Variants in MMP17 observed in about 807,000 individuals in gnomAD.
MMP17 encodes matrix metallopeptidase 17.
Under a neutral mutation model 49.1 loss-of-function variants are expected in MMP17, and 54 were observed. The ratio of observed to expected loss-of-function variants is 1.10; its 90% CI spans 0.88 to 1.38. The LOEUF (loss-of-function observed/expected upper bound fraction) is 1.38. Ranked by LOEUF, MMP17 falls within the 40% of genes most tolerant of loss-of-function variation. The pLI is 0.00. For synonymous variants in MMP17, 397 were observed against 383.1 expected, an observed-to-expected ratio of 1.04 and a Z score of -0.42; for missense variants, 837 against 853.7, an observed-to-expected ratio of 0.98 and a Z score of 0.24.
Position 131,851,114 on chromosome 12 carries a change from A to G in MMP17, c.1652A>G (p.Gln551Arg). 1.3e-6 allele frequency: 2 copies of G among 1,593,782 alleles called. No homozygotes were observed. The highest frequency in any genetic ancestry group is 8.5e-7 in the Non-Finnish European group (1 of 1,170,842). The change falls in exon 10 of 10, where the codon CAG becomes CGG. Residue 551 changes from glutamine to arginine, a missense_variant. Physicochemically the swap from Gln to Arg is conservative, Grantham distance 43. Coordinates refer to ENST00000360564, the MANE Select transcript of MMP17 (RefSeq NM_016155.7). Reference sequence around the variant, plus strand: ...CGCGCCCCTCCAGGACAACATGACCAGAGCCGCTCGGAGGACGGTTACGAG... The same window carrying G: ...CGCGCCCCTCCAGGACAACATGACCGGAGCCGCTCGGAGGACGGTTACGAG... ...GPRAPPGQHD[Q>R]SRSEDGYEVC... is the part of the protein sequence containing the mutation.
intron 9 of MMP17, 22 bp from the exon 10 acceptor site, chr12:131,850,903 C>G: frequency 6.9e-7 from 1 of 1,453,310 alleles, no homozygotes; most frequent in Non-Finnish European, 9.1e-7. Flanking sequence ...CCCCTGAGCT[C>G]AGCTCTCCCT....
intron 5 of MMP17, among the ~76,000 whole-genome samples, chr12:131,842,148 T>C (rs755265960): frequency 1.3e-5 from 2 of 152,170 alleles, no homozygotes; most frequent in Non-Finnish European, 2.9e-5. Context: ...ATGAGAAAAC[T>C]GAGGCACCCA....
At chr12:131,840,960 C>A (rs932488403) in intron 4 of MMP17, 104 bp downstream of exon 4, 1 of 1,320,158 alleles carries the variant, frequency 7.6e-7, no homozygotes, top group Admixed American at 2.8e-5. Context: ...GCTGAAAACA[C>A]ACGCGGCTGC....
rs1887730587 is a variant in MMP17, at chr12:131,846,897, C to T, written c.1204+1448C>T. ...GAACCACTTCCTGTAACTCCATCGCCTGCCCGGCCCTCAGCATTTGACTCC... is the reference window on the plus strand; with the variant it reads ...GAACCACTTCCTGTAACTCCATCGCTTGCCCGGCCCTCAGCATTTGACTCC... On this transcript the variant is annotated intron_variant, in intron 8 of 9. Coordinates refer to ENST00000360564, the MANE Select transcript of MMP17 (RefSeq NM_016155.7). This position sits in a 1 kb window ranked among gnomAD's most constrained non-coding sequence, Gnocchi z 4.6. 6.6e-6 allele frequency among the ~76,000 whole-genome samples: 1 copy of T among 152,172 alleles called. No homozygotes were observed. Among genetic ancestry groups the T allele is most frequent in the Non-Finnish European group, 1.5e-5 (1 of 68,040 alleles).
At position 131,851,045 on chromosome 12, in the gene MMP17, C is replaced by A. The variant is rs1412833802; in HGVS notation, c.1583C>A (p.Ala528Asp). Residue 528 changes from alanine to aspartate, a missense_variant, in exon 10 of 10, where the codon GCC becomes GAC. Coordinates refer to ENST00000360564, the MANE Select transcript of MMP17 (RefSeq NM_016155.7). Reference sequence around the variant, plus strand: ...TGGCTGGTGTGTGGAGACTCACAGGCCGATGGATCTGTGGCTGCGGGCGTG... The same window carrying A: ...TGGCTGGTGTGTGGAGACTCACAGGACGATGGATCTGTGGCTGCGGGCGTG... ...RDWLVCGDSQ[A>D]DGSVAAGVDA... is the part of the protein sequence containing the mutation. 1 of 1,609,216 alleles carries A rather than the reference C, an allele frequency of 6.2e-7. No homozygotes were observed. The highest frequency in any genetic ancestry group is 1.7e-5 in the Admixed American group (1 of 59,568).
intron 4 of MMP17, 76 bp downstream of exon 4, chr12:131,840,932 C>A (rs1011914314): frequency 3.1e-5 from 45 of 1,453,746 alleles, no homozygotes; most frequent in Non-Finnish European, 4.0e-5. Context: ...CCATGGCCCC[C>A]CCATCCCCAA....
In MMP17 at chr12:131,843,942, T is replaced by TG. The variant is rs1887555416; in HGVS notation, c.884-49dup. 8 of 1,250,004 alleles carry TG rather than the reference T, an allele frequency of 6.4e-6. No individual in the cohort carries two copies. In the South Asian group the frequency reaches 1.1e-4, roughly 17 times the overall value. 77.4% of individuals were successfully genotyped at this position (1,250,004 alleles called of 1,614,324 possible). A position where few individuals can be genotyped will look rare whatever the true frequency, so the allele number is the denominator to read the frequency against. ...GGGATTCAGAAGGGCTGGTGGGATG[T>TG]GGGGGGAGGCGGGCGTCGGGGGTTT... On this transcript the variant is annotated intron_variant, in intron 5 of 9. Transcript: ENST00000360564.
chr12:131,843,168 C>T (rs968690321), intron 5 of MMP17, among the ~76,000 whole-genome samples: 7 of 151,606 alleles, frequency 4.6e-5, no homozygotes, highest in Admixed American at 1.3e-4. Context: ...CGGGGTTTCA[C>T]TGTTAGCCAG....
At chr12:131,848,858 G>A (rs565567016) in intron 8 of MMP17, among the ~76,000 whole-genome samples, 19 of 152,320 alleles carry the variant, frequency 1.2e-4, no homozygotes, top group African/African-American at 4.3e-4. Flanking sequence ...TGTGAAGGAC[G>A]CTGCTATGAG....
chr12:131,843,860 T>C, intron 5 of MMP17, 137 bp from the exon 6 acceptor site: 1 of 627,518 alleles, frequency 1.6e-6, no homozygotes, highest in South Asian at 2.0e-5. Context: ...GCAGTCTCGC[T>C]GATCGCAGCT....
At chr12:131,832,844 G>A (rs1415629875) in intron 1 of MMP17, among the ~76,000 whole-genome samples, 1 of 152,116 alleles carries the variant, frequency 6.6e-6, no homozygotes, top group Non-Finnish European at 1.5e-5. Flanking sequence ...CCGCTCCTCT[G>A]CGCTGTGTGT....
intron 1 of MMP17, 27 bp from the exon 2 acceptor site, chr12:131,838,167 AC>A (rs776107455): frequency 1.9e-6 from 3 of 1,582,798 alleles, no homozygotes; most frequent in South Asian, 2.3e-5. Flanking sequence ...CCTCTGTTGC[AC>A]CCCCTCACCC....
intron 1 of MMP17, among the ~76,000 whole-genome samples, chr12:131,832,627 GC>G (rs1302282070): frequency 1.3e-5 from 2 of 149,782 alleles, no homozygotes; most frequent in African/African-American, 2.5e-5. Flanking sequence ...TGGGATTCGG[GC>G]CCTCCTGGGC....
intron 6 of MMP17, 102 bp downstream of exon 6, chr12:131,844,183 C>T (rs541085761): frequency 5.3e-5 from 52 of 984,180 alleles, no homozygotes; most frequent in South Asian, 3.0e-4. Flanking sequence ...TCCTGGGAAA[C>T]GCACAGCTGT....
Position 131,850,931 on chromosome 12 carries a change from C to T in MMP17, c.1469C>T (p.Ser490Phe). 6.8e-7 allele frequency: 1 copy of T among 1,479,558 alleles called. No individual in the cohort carries two copies. 91.7% of individuals were successfully genotyped at this position (1,479,558 alleles called of 1,614,324 possible). ...DDAMRWSDGA[S>F]YFFRGQEYWK... Reference sequence around the variant, plus strand: ...CTCTCCCTCCTCTTCTCAGGTGCCTCCTACTTCTTCCGTGGCCAGGAGTAC... The same window carrying T: ...CTCTCCCTCCTCTTCTCAGGTGCCTTCTACTTCTTCCGTGGCCAGGAGTAC... Residue 490 changes from serine to phenylalanine, a missense_variant, in exon 10 of 10, where the codon TCC becomes TTC. Transcript: ENST00000360564.
intron 6 of MMP17, chr12:131,844,796 G>A (rs769333176): frequency 7.8e-5 from 29 of 371,096 alleles, no homozygotes; most frequent in Admixed American, 1.6e-4. Context: ...TTGGGGTCCC[G>A]TGGCGTGGGG....
Position 131,844,068 on chromosome 12 carries a change from C to T in MMP17, c.955C>T (p.Arg319Trp), listed in dbSNP as rs527338913. The change falls in exon 6 of 10, where the codon CGG becomes TGG. Residue 319 changes from arginine to tryptophan, a missense_variant. Transcript: ENST00000360564. Reference protein sequence around the residue: ...PPLLPEPPDNRSSAPPRKDVP... With the variant: ...PPLLPEPPDNWSSAPPRKDVP... ...CCTGCTGCCGGAGCCCCCAGACAAC[C>T]GGTCCAGCGCCCCGTAAGCCCTGGG... 3.4e-5 allele frequency: 53 copies of T among 1,561,686 alleles called. No homozygotes were observed. Among genetic ancestry groups the T allele is most frequent in the Middle Eastern group, 1.7e-4 (1 of 5,754 alleles).
At chr12:131,843,857 C>T (rs1027410808) in intron 5 of MMP17, 140 bp from the exon 6 acceptor site, 19 of 620,940 alleles carry the variant, frequency 3.1e-5, no homozygotes, top group Non-Finnish European at 5.0e-5. Flanking sequence ...GCAGCAGTCT[C>T]GCTGATCGCA....
intron 6 of MMP17, chr12:131,844,844 G>A: frequency 2.2e-6 from 1 of 458,702 alleles, no homozygotes; most frequent in Non-Finnish European, 4.0e-6. Flanking sequence ...GCCAGGCCCA[G>A]GGTGCTACAC....
Sources: allele counts gnomAD v4.1 joint callset (sites outside exome capture counted in the v4.1 genomes callset), GRCh38; gene constraint gnomAD v4.1.1; non-coding constraint Gnocchi (gnomAD v3.1); transcripts MANE v1.5; gene names NCBI Gene and HGNC (gene_info 2026-07-23, HGNC 2026-07-21).